PARVA: variants seen among roughly 807,000 people sequenced by gnomAD.
PARVA encodes the protein alpha-parvin.
PARVA carries 25 observed loss-of-function variants against 52.6 expected under a neutral mutation model. That is an observed-to-expected ratio of 0.48 (90% CI 0.35 to 0.66). PARVA has a LOEUF of 0.66. PARVA is among the 30% of genes least tolerant of loss of function. PARVA has a pLI of 0.01. For missense variants in PARVA, 373 were observed against 450.9 expected, an observed-to-expected ratio of 0.83 and a Z score of 1.56; for synonymous variants, 185 against 179.1, an observed-to-expected ratio of 1.03 and a Z score of -0.26.
intron 1 of PARVA, among the ~76,000 whole-genome samples, chr11:12,383,930 C>T (rs1939532028): frequency 6.6e-6 from 1 of 152,086 alleles, no homozygotes; most frequent in Non-Finnish European, 1.5e-5. Context: ...GTCCATAGCC[C>T]CTAAAACCCT....
At chr11:12,385,100 G>A (rs1277095600) in intron 1 of PARVA, among the ~76,000 whole-genome samples, 1 of 152,140 alleles carries the variant, frequency 6.6e-6, no homozygotes, top group African/African-American at 2.4e-5. Flanking sequence ...ACTTTGGGAG[G>A]CGAAGTGGGT....
intron 12 of PARVA, among the ~76,000 whole-genome samples, chr11:12,521,879 C>T (rs1941641018): frequency 1.3e-5 from 2 of 152,148 alleles, no homozygotes; most frequent in South Asian, 4.2e-4. Flanking sequence ...CTAACTTATT[C>T]CATCCCCCAC....
At chr11:12,479,307 C>CT (rs201466678) in intron 4 of PARVA, 86 of 147,304 alleles carry the variant, frequency 5.8e-4, no homozygotes, top group Admixed American at 9.5e-4. Flanking sequence ...AGTACTGTCA[C>CT]TTTTTTTTTT....
chr11:12,463,245 T>C lies in PARVA; in HGVS notation c.137-10500T>C, dbSNP rs541182753. Among the ~76,000 whole-genome samples the C allele has an allele frequency of 2.0e-5, 3 of 152,264 alleles. No homozygotes were observed. The South Asian group carries it at 6.2e-4, about 32-fold the overall frequency. On this transcript the variant is annotated intron_variant, in intron 1 of 12. Transcript: ENST00000334956. ...TTTTGTTATATTATTGATATTACTA[T>C]ATTTTGTCTAAAGCCATAGTTTATT... is the stretch of plus-strand genomic sequence containing the variant.
intron 1 of PARVA, among the ~76,000 whole-genome samples, chr11:12,461,390 G>C (rs917198009): frequency 1.3e-5 from 2 of 152,122 alleles, no homozygotes; most frequent in Non-Finnish European, 2.9e-5. Flanking sequence ...GCACACCCAC[G>C]CACAAAGGCA....
intron 1 of PARVA, among the ~76,000 whole-genome samples, chr11:12,469,893 C>T (rs1039036991): frequency 6.6e-6 from 1 of 152,212 alleles, no homozygotes. Context: ...AAAAAGAGAT[C>T]CTGTTCAGAC....
chr11:12,376,719 T>A, upstream of PARVA: 1 of 984,262 alleles, frequency 1.0e-6, no homozygotes, highest in Non-Finnish European at 1.2e-6. Context: ...AGAGCCAGAG[T>A]GAGAACTTGA....
intron 1 of PARVA, among the ~76,000 whole-genome samples, chr11:12,403,168 G>A (rs1260816613): frequency 6.6e-6 from 1 of 152,218 alleles, no homozygotes; most frequent in Non-Finnish European, 1.5e-5. Flanking sequence ...GCTTCATTGT[G>A]AAACCCCTAC....
At chr11:12,377,453 A>G (rs896975042), upstream of PARVA, 6 of 1,393,950 alleles carry the variant, frequency 4.3e-6, no homozygotes, top group African/African-American at 7.6e-5. Flanking sequence ...AGCTCCTTCC[A>G]GGGCAGAGGG....
intron 5 of PARVA, 125 bp downstream of exon 5, chr11:12,496,723 T>C (rs1941303789): frequency 2.3e-6 from 2 of 876,790 alleles, no homozygotes; most frequent in Non-Finnish European, 3.4e-6. Context: ...CATTTATCTT[T>C]GAACAAGTTG....
At chr11:12,499,516 G>A (rs10732454) in intron 5 of PARVA, among the ~76,000 whole-genome samples, 140,634 of 151,926 alleles carry the variant, frequency 0.93, 66,014 homozygotes, top group East Asian at 1. Flanking sequence ...AAATATTAAC[G>A]TTTAACACAT....
At chr11:12,431,241 A>C (rs1470836194) in intron 1 of PARVA, among the ~76,000 whole-genome samples, 1 of 152,194 alleles carries the variant, frequency 6.6e-6, no homozygotes, top group Non-Finnish European at 1.5e-5. Flanking sequence ...AGCAACAGCA[A>C]GTGCTTCCAG....
intron 1 of PARVA, among the ~76,000 whole-genome samples, chr11:12,468,019 A>T (rs1258806166): frequency 1.3e-5 from 2 of 152,198 alleles, no homozygotes; most frequent in South Asian, 2.1e-4. Context: ...TTTACACAAG[A>T]TGTGCCTTTT....
intron 1 of PARVA, among the ~76,000 whole-genome samples, chr11:12,383,682 GAC>G (rs983826305): frequency 4.6e-5 from 7 of 152,142 alleles, no homozygotes; most frequent in African/African-American, 1.7e-4. Context: ...TTTCTGTAGA[GAC>G]ACAGTCTTGC....
At chr11:12,457,619 T>C (rs1384189928) in intron 1 of PARVA, among the ~76,000 whole-genome samples, 4 of 152,098 alleles carry the variant, frequency 2.6e-5, no homozygotes, top group African/African-American at 9.7e-5. Context: ...AAGGGAGAGC[T>C]GTGTATTTGG....
intron 1 of PARVA, among the ~76,000 whole-genome samples, chr11:12,435,121 C>A (rs983148891): frequency 6.6e-6 from 1 of 152,190 alleles, no homozygotes; most frequent in Non-Finnish European, 1.5e-5. Context: ...CTGGGACTTC[C>A]CAATTTCCAG....
At chr11:12,486,468 G>C (rs903224601) in intron 4 of PARVA, among the ~76,000 whole-genome samples, 1 of 152,028 alleles carries the variant, frequency 6.6e-6, no homozygotes, top group Admixed American at 6.5e-5. Flanking sequence ...GGCAGGCGGA[G>C]GTTGCAGTGA....
At chr11:12,505,262 G>C (rs539146008) in intron 6 of PARVA, among the ~76,000 whole-genome samples, 2 of 152,284 alleles carry the variant, frequency 1.3e-5, no homozygotes, top group South Asian at 2.1e-4. Flanking sequence ...GCTCCCTGGC[G>C]ATCCAGGCTC....
intron 10 of PARVA, 117 bp from the exon 11 acceptor site, chr11:12,517,492 AG>A (rs1477891939): frequency 2.7e-6 from 2 of 738,992 alleles, no homozygotes; most frequent in African/African-American, 3.5e-5. Flanking sequence ...CCCCCGAGCT[AG>A]CAGCCTGGCT....
Sources: gnomAD v4.1 joint callset for allele counts (sites outside exome capture counted in the v4.1 genomes callset) on GRCh38, gnomAD v4.1.1 for gene constraint, MANE v1.5 for transcripts, NCBI Gene and HGNC (gene_info 2026-07-23, HGNC 2026-07-21) for gene names.